TENT4A: variants seen among roughly 807,000 people sequenced by gnomAD.
TENT4A encodes the protein terminal nucleotidyltransferase 4A, also known as DNA polymerase kappa.
A neutral mutation model predicts 72.8 loss-of-function variants in TENT4A; 7 were observed. The observed-to-expected ratio is 0.10, with a 90% CI of 0.05 to 0.18. The LOEUF (loss-of-function observed/expected upper bound fraction) is 0.18, where lower values mean the gene tolerates loss of function less well. TENT4A is among the 10% of genes least tolerant of loss of function. TENT4A has a pLI of 1.00. For synonymous variants in TENT4A, 456 were observed against 434.3 expected, an observed-to-expected ratio of 1.05 and a Z score of -0.62; for missense variants, 831 against 1,017.7, an observed-to-expected ratio of 0.82 and a Z score of 2.50.
chr5:6,744,437 T>C (rs1039611990), intron 6 of TENT4A, among the ~76,000 whole-genome samples: 5 of 152,382 alleles, frequency 3.3e-5, no homozygotes, highest in Admixed American at 2.6e-4. Flanking sequence ...ACAGTAATTA[T>C]TCCGTTTATA....
chr5:6,727,750 TTTGGCTAC>T (rs1741007373), intron 1 of TENT4A, among the ~76,000 whole-genome samples: 1 of 152,210 alleles, frequency 6.6e-6, no homozygotes, highest in African/African-American at 2.4e-5. Context: ...TTTGGTTTAT[TTTGGCTAC>T]TTATCTTCCC....
intron 1 of TENT4A, among the ~76,000 whole-genome samples, chr5:6,717,479 T>C (rs1029429356): frequency 6.6e-6 from 1 of 152,264 alleles, no homozygotes; most frequent in Non-Finnish European, 1.5e-5. Context: ...TTTCTGCCCT[T>C]GGACACTTTG....
chr5:6,725,748 G>C (rs1023680131), intron 1 of TENT4A, among the ~76,000 whole-genome samples: 15 of 152,158 alleles, frequency 9.9e-5, no homozygotes, highest in Non-Finnish European at 1.3e-4. Context: ...CAAGCAGGTG[G>C]CTGCCACTGT....
intron 1 of TENT4A, among the ~76,000 whole-genome samples, chr5:6,731,982 G>A (rs748202761): frequency 6.6e-6 from 1 of 152,132 alleles, no homozygotes; most frequent in African/African-American, 2.4e-5. Flanking sequence ...CTGGCTTCTG[G>A]GCTATGACCT....
At chr5:6,747,434 C>G (rs545468001) in intron 7 of TENT4A, among the ~76,000 whole-genome samples, 1 of 152,242 alleles carries the variant, frequency 6.6e-6, no homozygotes, top group South Asian at 2.1e-4. Flanking sequence ...TAAAAAAACA[C>G]CTCAGATTTA....
At chr5:6,747,969 G>T (rs1166283862) in intron 7 of TENT4A, among the ~76,000 whole-genome samples, 1 of 152,190 alleles carries the variant, frequency 6.6e-6, no homozygotes, top group Non-Finnish European at 1.5e-5. Flanking sequence ...CTTCCTGTAG[G>T]TTCCATTAGC....
At chr5:6,754,597 T>C (rs935732331) in intron 12 of TENT4A, among the ~76,000 whole-genome samples, 154 bp from the exon 13 acceptor site, 3 of 152,196 alleles carry the variant, frequency 2.0e-5, no homozygotes, top group African/African-American at 7.2e-5. Flanking sequence ...AATGCTTTTC[T>C]CTCAGATGGA....
chr5:6,725,343 A>T (rs1740861770), intron 1 of TENT4A, among the ~76,000 whole-genome samples: 1 of 152,186 alleles, frequency 6.6e-6, no homozygotes, highest in Non-Finnish European at 1.5e-5. Context: ...AAAAAAGAAA[A>T]CAATTATGCT....
chr5:6,719,987 A>G (rs1256435637), intron 1 of TENT4A, among the ~76,000 whole-genome samples: 1 of 152,156 alleles, frequency 6.6e-6, no homozygotes, highest in East Asian at 1.9e-4. Context: ...TTACCAGCAC[A>G]TTCCTGTTAT....
intron 1 of TENT4A, among the ~76,000 whole-genome samples, chr5:6,723,963 A>C (rs1740780621): frequency 1.3e-5 from 2 of 152,114 alleles, no homozygotes; most frequent in Admixed American, 1.3e-4. Context: ...TGAGCTGTTT[A>C]CTCGCTGTTT....
Position 6,746,261 on chromosome 5 carries a change from G to A in TENT4A, c.1293G>A (p.Met431Ile). ...GGAGAGCTGATGAAAACCTTGGAAT[G>A]CTTCTTGTAGAATTTTTTGAACTCT... Reference protein sequence around the residue: ...DARRADENLGMLLVEFFELYG... With the variant: ...DARRADENLGILLVEFFELYG... Residue 431 changes from methionine to isoleucine, a missense_variant, in exon 7 of 13, where the codon ATG (methionine) becomes ATA (isoleucine). By Grantham distance (10) the Met-to-Ile change is conservative. Coordinates refer to ENST00000230859, the MANE Select transcript of TENT4A (RefSeq NM_006999.6). 6.2e-7 allele frequency: 1 copy of A among 1,614,220 alleles called. No individual in the cohort carries two copies. Among genetic ancestry groups the A allele is most frequent in the Non-Finnish European group, 8.5e-7 (1 of 1,180,042 alleles).
intron 1 of TENT4A, 145 bp downstream of exon 1, chr5:6,714,844 G>GTT (rs959160106): frequency 1.6e-5 from 5 of 321,994 alleles, no homozygotes; most frequent in Admixed American, 5.2e-5. Context: ...TGCACTGAAA[G>GTT]TTTTTTTTTT....
In TENT4A at chr5:6,714,476, G is replaced by T; in HGVS notation, c.493G>T (p.Gly165Trp). The change falls in exon 1 of 13, where the codon GGG becomes TGG. Residue 165 changes from glycine (G) to tryptophan (W), a missense_variant. Physicochemically the swap from Gly to Trp is radical, Grantham distance 184 (BLOSUM62 -2). Coordinates refer to ENST00000230859, the MANE Select transcript of TENT4A (RefSeq NM_006999.6). ...GAPSAPGTAN[G>W]HPGPRGPAPA... ...GCCCAGCGCCCCTGGCACAGCCAAC[G>T]GGCACCCCGGGCCGCGCGGCCCCGC... 1 of 1,182,036 alleles carries T rather than the reference G, an allele frequency of 8.5e-7. No individual in the cohort carries two copies. Among genetic ancestry groups the T allele is most frequent in the South Asian group, 4.2e-5 (1 of 23,944 alleles). 73.2% of individuals were successfully genotyped at this position (1,182,036 alleles called of 1,614,324 possible). A position where few individuals can be genotyped will look rare whatever the true frequency, so the allele number is the denominator to read the frequency against.
intron 1 of TENT4A, chr5:6,715,065 G>A (rs1417007872): frequency 6.2e-6 from 1 of 160,004 alleles, no homozygotes; most frequent in Non-Finnish European, 1.4e-5. Flanking sequence ...GGAGTTTCAC[G>A]TAAGTTAAGT....
chr5:6,748,719 T>C, intron 8 of TENT4A, 129 bp downstream of exon 8: 1 of 993,098 alleles, frequency 1.0e-6, no homozygotes, highest in South Asian at 1.9e-5. Context: ...AATCTAGATA[T>C]GTTGGTGAAG....
chr5:6,732,558 AAGTC>A (rs1432173961), intron 1 of TENT4A, among the ~76,000 whole-genome samples: 2 of 152,314 alleles, frequency 1.3e-5, no homozygotes, highest in East Asian at 3.9e-4. Flanking sequence ...CTAAATTGAG[AAGTC>A]AGTCATTACC....
In TENT4A at chr5:6,750,312, AGGCTTTT is replaced by A; in HGVS notation, c.1688-18_1688-12del. On this transcript the variant is annotated splice_polypyrimidine_tract_variant and intron_variant, in intron 9 of 12. Coordinates refer to ENST00000230859, the MANE Select transcript of TENT4A (RefSeq NM_006999.6). ...CGCAGTTCTCAGGAGTTATTAACCA[AGGCTTTT>A]TCCCTCCACAGACAGCAGGATCAAG... 6.3e-7 allele frequency: 1 copy of A among 1,596,640 alleles called. No homozygotes were observed. Among genetic ancestry groups the A allele is most frequent in the Admixed American group, 1.7e-5 (1 of 57,490 alleles).
chr5:6,720,894 C>CT (rs987552769), intron 1 of TENT4A, among the ~76,000 whole-genome samples: 1 of 152,030 alleles, frequency 6.6e-6, no homozygotes, highest in African/African-American at 2.4e-5. Context: ...TGATAGCAGT[C>CT]TATCTTTGCT....
In TENT4A at chr5:6,748,423, T is replaced by C. The variant is rs755134368; in HGVS notation, c.1460-41T>C. 2.2e-5 allele frequency: 35 copies of C among 1,607,768 alleles called. No individual in the cohort carries two copies. The Admixed American group carries it at 5.3e-4, about 25-fold the overall frequency. On this transcript the variant is annotated intron_variant, in intron 7 of 12. Transcript: ENST00000230859. ...AAGATCCAAAACATGTGGACGATGG[T>C]GTGCATGTGGGGAGGGTCTGACATA...
Sources: allele counts gnomAD v4.1 joint callset (sites outside exome capture counted in the v4.1 genomes callset), GRCh38; gene constraint gnomAD v4.1.1; transcripts MANE v1.5; gene names NCBI Gene and HGNC (gene_info 2026-07-23, HGNC 2026-07-21).